The following CD80 variants were observed in gnomAD, a reference collection of about 807,000 sequenced individuals.
CD80 encodes CD80 molecule.
Under a neutral mutation model 27.1 loss-of-function variants are expected in CD80, and 13 were observed. That is an observed-to-expected ratio of 0.48 (90% CI 0.31 to 0.76). The LOEUF (loss-of-function observed/expected upper bound fraction) is 0.76. Ranked by LOEUF, CD80 falls within the 30% of genes least tolerant of loss-of-function variation. The pLI is 0.04. For missense variants in CD80, 277 were observed against 347.9 expected (o/e 0.80, Z 1.62); for synonymous variants, 125 against 125.5 (o/e 1.00, Z 0.03).
intron 2 of CD80, among the ~76,000 whole-genome samples, chr3:119,554,222 T>A (rs1239652805): frequency 6.6e-6 from 1 of 152,196 alleles, no homozygotes; most frequent in Non-Finnish European, 1.5e-5. Flanking sequence ...GCCAGCAGCA[T>A]AGCGGTGTGT....
rs1014349892 is a variant in CD80, at chr3:119,544,810, T to C, written c.158A>G (p.Asn53Ser). 1.2e-6 allele frequency: 2 copies of C among 1,614,200 alleles called. No homozygotes were observed. The highest frequency in any genetic ancestry group is 1.7e-5 in the Admixed American group (1 of 60,030). Reference sequence around the variant, plus strand: ...TTGTGCCAGCTCTTCAACAGAAACATTGTGACCACAGGACAGCGTTGCCAC... The same window carrying C: ...TTGTGCCAGCTCTTCAACAGAAACACTGTGACCACAGGACAGCGTTGCCAC... Reference protein sequence around the residue: ...KEVATLSCGHNVSVEELAQTR... With the variant: ...KEVATLSCGHSVSVEELAQTR... Residue 53 changes from asparagine to serine, a missense_variant, in exon 3 of 7, where the codon AAT becomes AGT. Transcript: ENST00000264246.
chr3:119,553,056 G>A (rs2082242795), intron 2 of CD80, among the ~76,000 whole-genome samples: 1 of 151,818 alleles, frequency 6.6e-6, no homozygotes, highest in Non-Finnish European at 1.5e-5. Context: ...GATAGTGATG[G>A]TGGTTTCACA....
At chr3:119,544,346 G>T in intron 3 of CD80, 1 of 583,218 alleles carries the variant, frequency 1.7e-6, no homozygotes, top group South Asian at 2.1e-5. Context: ...GATTGTCAAA[G>T]AACAAGAAAT....
At position 119,554,221 on chromosome 3, in the gene CD80, A is replaced by G. The variant is rs546691257; in HGVS notation, c.100+3408T>C. On this transcript the variant is annotated intron_variant, in intron 2 of 6. Coordinates refer to ENST00000264246, the MANE Select transcript of CD80 (RefSeq NM_005191.4). ...CTCATGGGACCCCTGGGCCAGCAGC[A>G]TAGCGGTGTGTGTTGCAGGGAGAGG... Among the ~76,000 whole-genome samples, 11 of 152,350 alleles carry G rather than the reference A, an allele frequency of 7.2e-5. No individual in the cohort carries two copies. In the East Asian group the frequency reaches 2.1e-3, roughly 29 times the overall value.
Position 119,537,208 on chromosome 3 carries a change from G to C in CD80, c.629C>G (p.Thr210Ser). The change falls in exon 4 of 7, where the codon ACC (threonine) becomes AGC (serine). Residue 210 changes from threonine (T) to serine (S), a missense_variant. By Grantham distance (58) the Thr-to-Ser change is moderately conservative. Transcript: ENST00000264246. ...VSSKLDFNMT[T>S]NHSFMCLIKY... ...GATGAGACACATGAAGCTGTGGTTGGTTGTCATATTGAAATCCAGTTTGCT... is the reference window on the plus strand; with the variant it reads ...GATGAGACACATGAAGCTGTGGTTGCTTGTCATATTGAAATCCAGTTTGCT... 1 of 1,614,034 alleles carries C rather than the reference G, an allele frequency of 6.2e-7. No homozygotes were observed. The highest frequency in any genetic ancestry group is 1.1e-5 in the South Asian group (1 of 91,076).
chr3:119,553,970 T>C lies in CD80; in HGVS notation c.100+3659A>G, dbSNP rs2082249187. Among the ~76,000 whole-genome samples, 3 of 152,186 alleles carry C rather than the reference T, an allele frequency of 2.0e-5. No homozygotes were observed. The South Asian group carries it at 6.2e-4, about 32-fold the overall frequency. The stretch of plus-strand genomic sequence containing the variant: ...CTGGTGTCAGCCCTGGGCTAGGTGC[T>C]AGCCACACAAAGGAGACAGGCAGAG... On this transcript the variant is annotated intron_variant, in intron 2 of 6. Transcript: ENST00000264246.
In CD80 at chr3:119,544,610, TC is replaced by T. The variant is rs762668335; in HGVS notation, c.357del (p.Lys120SerfsTer15). Reference sequence around the variant, plus strand: ...CGCTTGAAAGCGTCTTTTTCATACTTCAGAACAACACACTCGTATGTGCCCT... The same window carrying T: ...CGCTTGAAAGCGTCTTTTTCATACTTAGAACAACACACTCGTATGTGCCCT... ...SDEGTYECVVLKYEKDAFKRE... is the reference protein window; with the variant it reads ...SDEGTYECVVXKYEKDAFKRE... On this transcript the variant is annotated frameshift_variant, in exon 3 of 7. Coordinates refer to ENST00000264246, the MANE Select transcript of CD80 (RefSeq NM_005191.4). LOFTEE classifies it high-confidence loss of function. 1.2e-6 allele frequency: 2 copies of T among 1,614,142 alleles called. No individual in the cohort carries two copies. The highest frequency in any genetic ancestry group is 1.7e-6 in the Non-Finnish European group (2 of 1,180,030).
intron 2 of CD80, among the ~76,000 whole-genome samples, chr3:119,549,775 TA>T (rs2082221513): frequency 6.6e-6 from 1 of 152,198 alleles, no homozygotes; most frequent in Non-Finnish European, 1.5e-5. Context: ...GTCCCTGCTT[TA>T]GGGAATATAA....
At chr3:119,527,938 T>A in intron 5 of CD80, 97 bp from the exon 6 acceptor site, 2 of 1,037,758 alleles carry the variant, frequency 1.9e-6, no homozygotes, top group Non-Finnish European at 3.0e-6. Flanking sequence ...CAGACTGGCT[T>A]AGAACTGGAG....
intron 2 of CD80, among the ~76,000 whole-genome samples, chr3:119,547,179 A>G (rs1400891326): frequency 6.6e-6 from 1 of 152,214 alleles, no homozygotes; most frequent in African/African-American, 2.4e-5. Flanking sequence ...TTCATTCAAT[A>G]AAATCCACAG....
At chr3:119,544,980 A>G (rs779456156) in intron 2 of CD80, 113 bp from the exon 3 acceptor site, 1 of 779,762 alleles carries the variant, frequency 1.3e-6, no homozygotes, top group Non-Finnish European at 2.1e-6. Flanking sequence ...CTAGTGACTA[A>G]GTATCAATCC....
intron 3 of CD80, among the ~76,000 whole-genome samples, chr3:119,543,708 G>A (rs2082184245): frequency 6.6e-6 from 1 of 151,900 alleles, no homozygotes; most frequent in African/African-American, 2.4e-5. Context: ...CCAAAGTGCT[G>A]AGCCACCGCA....
chr3:119,544,820 A>G lies in CD80; in HGVS notation c.148T>C (p.Cys50Arg). ...KEVKEVATLS[C>R]GHNVSVEELA... Reference sequence around the variant, plus strand: ...TCTTCAACAGAAACATTGTGACCACAGGACAGCGTTGCCACTTCTTTCACT... The same window carrying G: ...TCTTCAACAGAAACATTGTGACCACGGGACAGCGTTGCCACTTCTTTCACT... Residue 50 changes from cysteine to arginine, a missense_variant, in exon 3 of 7, where the codon TGT (cysteine) becomes CGT (arginine). By Grantham distance (180) the Cys-to-Arg change is radical (BLOSUM62 -3). Transcript: ENST00000264246. 6.2e-7 allele frequency: 1 copy of G among 1,614,220 alleles called. No individual in the cohort carries two copies. The highest frequency in any genetic ancestry group is 2.2e-5 in the East Asian group (1 of 44,882).
intron 2 of CD80, among the ~76,000 whole-genome samples, chr3:119,548,714 C>T (rs1010926851): frequency 6.6e-6 from 1 of 152,128 alleles, no homozygotes; most frequent in Non-Finnish European, 1.5e-5. Flanking sequence ...CCCAATCCAG[C>T]CCTACCACTG....
At chr3:119,553,869 C>T (rs1348459416) in intron 2 of CD80, among the ~76,000 whole-genome samples, 1 of 152,200 alleles carries the variant, frequency 6.6e-6, no homozygotes, top group Non-Finnish European at 1.5e-5. Flanking sequence ...TTTTACCGTT[C>T]CTGGTTTGTG....
chr3:119,541,866 T>C (rs2082170821), intron 3 of CD80, among the ~76,000 whole-genome samples: 1 of 152,196 alleles, frequency 6.6e-6, no homozygotes, highest in Non-Finnish European at 1.5e-5. Flanking sequence ...TTAGCTGTCC[T>C]TGGTCTCTTA....
At position 119,529,932 on chromosome 3, in the gene CD80, G is replaced by T; in HGVS notation, c.706C>A (p.Gln236Lys). 2 of 1,608,854 alleles carry T rather than the reference G, an allele frequency of 1.2e-6. No homozygotes were observed. Among genetic ancestry groups the T allele is most frequent in the South Asian group, 2.2e-5 (2 of 90,958 alleles). The change falls in exon 5 of 7, where the codon CAA (glutamine) becomes AAA (lysine). Residue 236 changes from glutamine (Q) to lysine (K), a missense_variant. Coordinates refer to ENST00000264246, the MANE Select transcript of CD80 (RefSeq NM_005191.4). ...AGCAGGTTATCAGGAAAATGCTCTT[G>T]CTTGGCTATGGAGGGAAAAGAATAA... The part of the protein sequence containing the change: ...NQTFNWNTTK[Q>K]EHFPDNLLPS...
chr3:119,543,097 T>C (rs1012877313), intron 3 of CD80, among the ~76,000 whole-genome samples: 7 of 152,228 alleles, frequency 4.6e-5, no homozygotes, highest in Non-Finnish European at 1.0e-4. Flanking sequence ...CTAGTTATCC[T>C]TAAAAACTCT....
At chr3:119,546,861 T>C (rs2082205313) in intron 2 of CD80, among the ~76,000 whole-genome samples, 1 of 149,206 alleles carries the variant, frequency 6.7e-6, no homozygotes, top group African/African-American at 2.5e-5. Context: ...TGTACACGCA[T>C]TCATTTAAAC....
Sources: gnomAD v4.1 joint callset for allele counts (sites outside exome capture counted in the v4.1 genomes callset) on GRCh38, gnomAD v4.1.1 for gene constraint, MANE v1.5 for transcripts, NCBI Gene and HGNC (gene_info 2026-07-23, HGNC 2026-07-21) for gene names.